Variants in ITFG1 observed in about 807,000 individuals in gnomAD.
ITFG1 encodes integrin alpha FG-GAP repeat containing 1, also known as T-cell immunomodulatory protein.
ITFG1 carries 34 observed loss-of-function variants against 81.8 expected under a neutral mutation model. The observed-to-expected ratio is 0.42, with a 90% CI of 0.32 to 0.55. The LOEUF (loss-of-function observed/expected upper bound fraction) is 0.55, where lower values mean the gene tolerates loss of function less well. ITFG1 is among the 20% of genes least tolerant of loss of function. The pLI is 0.17. For synonymous variants in ITFG1, 285 were observed against 270.6 expected (o/e 1.05, Z -0.52); for missense variants, 672 against 755.4 (o/e 0.89, Z 1.29).
chr16:47,428,335 G>T (rs544427936), intron 6 of ITFG1, among the ~76,000 whole-genome samples: 1 of 152,264 alleles, frequency 6.6e-6, no homozygotes, highest in South Asian at 2.1e-4. Context: ...CCATATAATT[G>T]TTGAAGCTAG....
At chr16:47,205,244 T>C (rs1596806917) in intron 14 of ITFG1, among the ~76,000 whole-genome samples, 1 of 152,334 alleles carries the variant, frequency 6.6e-6, no homozygotes, top group Non-Finnish European at 1.5e-5. Context: ...GAGGGAGCTG[T>C]TCTATCTGTT....
At chr16:47,402,959 T>C (rs1968680599) in intron 6 of ITFG1, among the ~76,000 whole-genome samples, 1 of 152,148 alleles carries the variant, frequency 6.6e-6, no homozygotes, top group Non-Finnish European at 1.5e-5. Context: ...ATAACTAATA[T>C]ACTGCACTAT....
intron 6 of ITFG1, among the ~76,000 whole-genome samples, chr16:47,421,522 C>A (rs1320848359): frequency 1.3e-5 from 2 of 152,110 alleles, no homozygotes; most frequent in African/African-American, 2.4e-5. Flanking sequence ...CAAGGATGGT[C>A]TTGATCTCCT....
chr16:47,181,562 C>CA (rs1487166710), intron 14 of ITFG1, among the ~76,000 whole-genome samples: 23 of 124,342 alleles, frequency 1.8e-4, no homozygotes, highest in African/African-American at 7.8e-4. Flanking sequence ...GGGGGGGGGT[C>CA]AGCCCCCCCG....
intron 6 of ITFG1, 38 bp downstream of exon 6, chr16:47,428,766 G>T: frequency 5.0e-6 from 6 of 1,210,500 alleles, no homozygotes; most frequent in African/African-American, 1.5e-5. Context: ...ATACTTCTTT[G>T]GTAACTCAAA....
At chr16:47,229,117 A>G (rs758728339) in intron 13 of ITFG1, among the ~76,000 whole-genome samples, 10 of 152,224 alleles carry the variant, frequency 6.6e-5, no homozygotes, top group South Asian at 2.1e-4. Flanking sequence ...TGAATAATCA[A>G]TAAGACACAA....
At chr16:47,173,176 G>T (rs1284177873) in intron 14 of ITFG1, among the ~76,000 whole-genome samples, 2 of 152,060 alleles carry the variant, frequency 1.3e-5, no homozygotes, top group East Asian at 1.9e-4. Flanking sequence ...TACAATCAAA[G>T]ACCCTCTTGC....
intron 8 of ITFG1, chr16:47,365,562 C>T (rs763530536): frequency 4.5e-5 from 19 of 422,438 alleles, no homozygotes; most frequent in Non-Finnish European, 6.3e-5. Flanking sequence ...CTTCTGCAAA[C>T]AGTATCAAAC....
intron 14 of ITFG1, among the ~76,000 whole-genome samples, chr16:47,212,237 G>A (rs1278158722): frequency 6.6e-6 from 1 of 151,618 alleles, no homozygotes; most frequent in Non-Finnish European, 1.5e-5. Context: ...TTTTTGAGAC[G>A]GGGTCTTGCT....
chr16:47,191,589 AC>A (rs1256379567), intron 14 of ITFG1, among the ~76,000 whole-genome samples: 1 of 151,940 alleles, frequency 6.6e-6, no homozygotes, highest in African/African-American at 2.4e-5. Context: ...GCTCACTGCA[AC>A]CTCCAACTCC....
chr16:47,344,751 C>T (rs1967828545), intron 8 of ITFG1, among the ~76,000 whole-genome samples: 1 of 152,198 alleles, frequency 6.6e-6, no homozygotes, highest in African/African-American at 2.4e-5. Flanking sequence ...TGATAACCAT[C>T]CTCCTACTGT....
At chr16:47,335,890 C>T (rs1046063245) in intron 8 of ITFG1, among the ~76,000 whole-genome samples, 6 of 152,128 alleles carry the variant, frequency 3.9e-5, no homozygotes, top group African/African-American at 1.2e-4. Context: ...AACCATGTAT[C>T]TACACACAGT....
At chr16:47,303,842 C>T (rs1967115491) in intron 10 of ITFG1, among the ~76,000 whole-genome samples, 1 of 152,090 alleles carries the variant, frequency 6.6e-6, no homozygotes, top group Non-Finnish European at 1.5e-5. Context: ...GTTGCCCAGG[C>T]TGGTGTTGAA....
intron 14 of ITFG1, among the ~76,000 whole-genome samples, chr16:47,163,914 TACACACACACACACACACACAC>T (rs56117889): frequency 9.0e-4 from 125 of 139,424 alleles, no homozygotes; most frequent in Non-Finnish European, 1.6e-3. Context: ...GAAGCTCAAC[TACACACACACACACACACACAC>T]ACACACACAC....
intron 6 of ITFG1, among the ~76,000 whole-genome samples, chr16:47,418,618 C>T (rs901240800): frequency 2.0e-5 from 3 of 152,118 alleles, no homozygotes; most frequent in Admixed American, 6.6e-5. Flanking sequence ...GTTTTCCCAG[C>T]ACTATTTATT....
intron 13 of ITFG1, among the ~76,000 whole-genome samples, chr16:47,222,551 C>A (rs954878992): frequency 8.6e-5 from 13 of 151,868 alleles, no homozygotes; most frequent in Non-Finnish European, 1.5e-4. Context: ...GTAGCTGGGA[C>A]TACAGGCACC....
chr16:47,225,431 A>G (rs1965745608), intron 13 of ITFG1, among the ~76,000 whole-genome samples: 1 of 147,900 alleles, frequency 6.8e-6, no homozygotes, highest in African/African-American at 2.5e-5. Flanking sequence ...AAGCTCAATG[A>G]ACGCCAAGTA....
intron 6 of ITFG1, among the ~76,000 whole-genome samples, chr16:47,406,446 A>G (rs1012097253): frequency 6.6e-6 from 1 of 152,204 alleles, no homozygotes; most frequent in Non-Finnish European, 1.5e-5. Flanking sequence ...TCCTTTTGTT[A>G]GTTGTTAAAT....
chr16:47,383,608 C>T (rs1297933177), intron 6 of ITFG1, among the ~76,000 whole-genome samples: 3 of 152,202 alleles, frequency 2.0e-5, no homozygotes, highest in Admixed American at 6.5e-5. Context: ...TTTATTTCCT[C>T]CAAATGAAAA....
Sources: allele counts gnomAD v4.1 joint callset (sites outside exome capture counted in the v4.1 genomes callset), GRCh38; gene constraint gnomAD v4.1.1; transcripts MANE v1.5; gene names NCBI Gene and HGNC (gene_info 2026-07-23, HGNC 2026-07-21).